DERA: variants seen among roughly 807,000 people sequenced by gnomAD.
The protein encoded by DERA is 2-deoxy-D-ribose 5-phosphate aldolase.
Under a neutral mutation model 41.1 loss-of-function variants are expected in DERA, and 15 were observed. That is an observed-to-expected ratio of 0.37 (90% CI 0.24 to 0.56). The LOEUF is 0.56. DERA is among the 20% of genes least tolerant of loss of function. The pLI is 0.81. For synonymous variants in DERA, 139 were observed against 137.4 expected (o/e 1.01, Z -0.08); for missense variants, 396 against 403.4 (o/e 0.98, Z 0.16).
Position 16,032,759 on chromosome 12 carries a change from T to A in DERA, c.750+105T>A, listed in dbSNP as rs546651466. ...TTTATATGGAGAAGTTGTGAATGAA[T>A]TACCTTTATTAAGATAAATGTTTAA... On this transcript the variant is annotated intron_variant, in intron 7 of 8. Coordinates refer to ENST00000428559, the MANE Select transcript of DERA (RefSeq NM_015954.4). 31 of 719,374 alleles carry A rather than the reference T, an allele frequency of 4.3e-5. No individual in the cohort carries two copies. The East Asian group carries it at 8.6e-4, about 20-fold the overall frequency. 44.6% of individuals were successfully genotyped at this position (719,374 alleles called of 1,614,324 possible).
chr12:15,916,856 C>A (rs974215689), intron 1 of DERA, among the ~76,000 whole-genome samples: 1 of 152,162 alleles, frequency 6.6e-6, no homozygotes, highest in African/African-American at 2.4e-5. Flanking sequence ...AAGCAGTTCT[C>A]CCTCTGTGGC....
Position 15,970,948 on chromosome 12 carries a change from T to C in DERA, c.508+8001T>C, listed in dbSNP as rs1391252502. On this transcript the variant is annotated intron_variant, in intron 5 of 8. Transcript: ENST00000428559. The surrounding 1 kb of genome is among the most constrained non-coding windows in gnomAD (Gnocchi z 4.3). ...GTTACCATCTTTATTCAGAAAGTCA[T>C]TATTTTTAGCAAAATGGGGCCAAGG... Among the ~76,000 whole-genome samples the C allele has an allele frequency of 1.3e-5, 2 of 152,234 alleles. No homozygotes were observed. The highest frequency in any genetic ancestry group is 1.5e-5 in the Non-Finnish European group (1 of 68,044).
chr12:15,926,758 AAAAG>A (rs1472382971), intron 1 of DERA, among the ~76,000 whole-genome samples: 2 of 151,418 alleles, frequency 1.3e-5, no homozygotes, highest in African/African-American at 2.4e-5. Flanking sequence ...AAAAAAAAAA[AAAAG>A]AAACAAGAGA....
rs1948893068 is a variant in DERA, at chr12:16,003,987, T to TG, written c.637+21553dup. Among the ~76,000 whole-genome samples, 3 of 152,154 alleles carry TG rather than the reference T, an allele frequency of 2.0e-5. No individual in the cohort carries two copies. The highest frequency in any genetic ancestry group is 7.2e-5 in the African/African-American group (3 of 41,422). The stretch of plus-strand genomic sequence containing the variant: ...ATTGTGCAGAATGCTTAGAAGGGGT[T>TG]GGTAGGGCTATTCATTAAGTGCAGT... On this transcript the variant is annotated intron_variant, in intron 6 of 8. Transcript: ENST00000428559. This position sits in a 1 kb window ranked among gnomAD's most constrained non-coding sequence, Gnocchi z 4.8.
At chr12:15,933,482 G>T in intron 1 of DERA, among the ~76,000 whole-genome samples, 1 of 151,902 alleles carries the variant, frequency 6.6e-6, no homozygotes, top group Admixed American at 6.6e-5. Context: ...ATACCAAATT[G>T]GCAGAAACTT....
Position 15,911,422 on chromosome 12 carries a change from G to T in DERA, c.31+8G>T. 7.1e-7 allele frequency: 1 copy of T among 1,410,530 alleles called. No homozygotes were observed. The highest frequency in any genetic ancestry group is 1.5e-5 in the South Asian group (1 of 64,574). 87.4% of individuals were successfully genotyped at this position (1,410,530 alleles called of 1,614,324 possible). ...ATCGGGGCACCGAGCTCGGTAAGGGGCCCGCGGGGCTCCCCATCCCCTCTC... is the reference window on the plus strand; with the variant it reads ...ATCGGGGCACCGAGCTCGGTAAGGGTCCCGCGGGGCTCCCCATCCCCTCTC... On this transcript the variant is annotated splice_region_variant and intron_variant, in intron 1 of 8. Transcript: ENST00000428559. The surrounding 1 kb of genome is among the most constrained non-coding windows in gnomAD (Gnocchi z 4.5).
intron 5 of DERA, among the ~76,000 whole-genome samples, chr12:15,979,208 T>C (rs1948717423): frequency 6.6e-6 from 1 of 152,146 alleles, no homozygotes; most frequent in South Asian, 2.1e-4. Context: ...GAAGCCTTGC[T>C]TGGAAAAAAA....
chr12:15,960,984 C>A (rs1948583660), intron 4 of DERA, among the ~76,000 whole-genome samples: 1 of 152,120 alleles, frequency 6.6e-6, no homozygotes, highest in African/African-American at 2.4e-5. Context: ...GGCAGAATTG[C>A]AGAGGGGATC....
intron 1 of DERA, among the ~76,000 whole-genome samples, chr12:15,955,253 C>T (rs962882789): frequency 4.0e-5 from 6 of 150,818 alleles, no homozygotes; most frequent in African/African-American, 9.8e-5. Context: ...GAGCCAAGAT[C>T]GTACCACTGC....
chr12:15,980,706 A>G (rs7970801), intron 5 of DERA, among the ~76,000 whole-genome samples: 2,751 of 152,224 alleles, frequency 0.018, 90 homozygotes, highest in African/African-American at 0.063. Context: ...CACGTTATTA[A>G]GGATCTGTGA....
intron 6 of DERA, among the ~76,000 whole-genome samples, chr12:16,007,190 T>G (rs1206754135): frequency 0.018 from 2,129 of 119,474 alleles, 4 homozygotes; most frequent in African/African-American, 0.093. Flanking sequence ...TTTTTTTTTG[T>G]TTTTTTTTTT....
At position 16,013,336 on chromosome 12, in the gene DERA, G is replaced by A. The variant is rs1302632212; in HGVS notation, c.638-19206G>A. Among the ~76,000 whole-genome samples, 1 of 152,130 alleles carries A rather than the reference G, an allele frequency of 6.6e-6. No individual in the cohort carries two copies. Among genetic ancestry groups the A allele is most frequent in the Middle Eastern group, 3.2e-3 (1 of 316 alleles). ...TCCCCATAATCCCCACATGTTAAAG[G>A]TGAGACCAGGTGGAGGTAATTGAAT... On this transcript the variant is annotated intron_variant, in intron 6 of 8. Transcript: ENST00000428559. The surrounding 1 kb of genome is among the most constrained non-coding windows in gnomAD (Gnocchi z 5.8).
intron 7 of DERA, among the ~76,000 whole-genome samples, chr12:16,034,359 T>G (rs1949112988): frequency 6.6e-6 from 1 of 152,212 alleles, no homozygotes; most frequent in African/African-American, 2.4e-5. Flanking sequence ...TTTTAAGTGC[T>G]CAGTGTTCCA....
chr12:15,965,168 T>G lies in DERA; in HGVS notation c.508+2221T>G, dbSNP rs991104762. 6.6e-6 allele frequency among the ~76,000 whole-genome samples: 1 copy of G among 152,230 alleles called. No individual in the cohort carries two copies. ...TTAGCTGTTTATTAAAATATGAGCA[T>G]AAAATAATTTCTTGGAATTTGTGGA... On this transcript the variant is annotated intron_variant, in intron 5 of 8. Transcript: ENST00000428559. This position sits in a 1 kb window ranked among gnomAD's most constrained non-coding sequence, Gnocchi z 4.1.
At chr12:15,950,629 G>T (rs564024777) in intron 1 of DERA, among the ~76,000 whole-genome samples, 1 of 152,226 alleles carries the variant, frequency 6.6e-6, no homozygotes, top group East Asian at 1.9e-4. Flanking sequence ...TGACATTTCT[G>T]CCTAGAACAC....
rs375799180 is a variant in DERA at position 15,942,812 on chromosome 12, G to A, written c.32-14124G>A. On this transcript the variant is annotated intron_variant, in intron 1 of 8. Transcript: ENST00000428559. ...TGCGACATTGCTGGAGACCGTGAGA[G>A]AAGAGAAGCTGGAGTCTCCCAAATG... Among the ~76,000 whole-genome samples the A allele has an allele frequency of 4.6e-5, 7 of 152,228 alleles. No individual in the cohort carries two copies. In the East Asian group the frequency reaches 5.8e-4, roughly 13 times the overall value.
Position 15,918,506 on chromosome 12 carries a change from C to T in DERA, c.31+7092C>T, listed in dbSNP as rs568016463. Among the ~76,000 whole-genome samples the T allele has an allele frequency of 2.0e-5, 3 of 152,242 alleles. No homozygotes were observed. Among genetic ancestry groups the T allele is most frequent in the South Asian group, 2.1e-4 (1 of 4,826 alleles). The stretch of plus-strand genomic sequence containing the variant: ...CCTCCTCTTCAGTGCCCCACCCCAA[C>T]GGTTTAGGACAATCGTTTGGGAAGG... On this transcript the variant is annotated intron_variant, in intron 1 of 8. Transcript: ENST00000428559. The surrounding 1 kb of genome is among the most constrained non-coding windows in gnomAD (Gnocchi z 4.3).
At position 15,931,358 on chromosome 12, in the gene DERA, C is replaced by T. The variant is rs1294492994; in HGVS notation, c.31+19944C>T. The stretch of plus-strand genomic sequence containing the variant: ...AGAGTTAAGTGGATTTTCTCTGAAG[C>T]GCTTGGTTCCTAGAATAATTGATTA... On this transcript the variant is annotated intron_variant, in intron 1 of 8. Coordinates refer to ENST00000428559, the MANE Select transcript of DERA (RefSeq NM_015954.4). The surrounding 1 kb of genome is among the most constrained non-coding windows in gnomAD (Gnocchi z 4.6). Among the ~76,000 whole-genome samples the T allele has an allele frequency of 2.0e-5, 3 of 152,128 alleles. No individual in the cohort carries two copies. Among genetic ancestry groups the T allele is most frequent in the South Asian group, 4.1e-4 (2 of 4,830 alleles).
Position 15,936,553 on chromosome 12 carries a change from A to G in DERA, c.32-20383A>G, listed in dbSNP as rs1416866959. Among the ~76,000 whole-genome samples the G allele has an allele frequency of 6.6e-6, 1 of 152,214 alleles. No individual in the cohort carries two copies. Among genetic ancestry groups the G allele is most frequent in the East Asian group, 1.9e-4 (1 of 5,190 alleles). On this transcript the variant is annotated intron_variant, in intron 1 of 8. Coordinates refer to ENST00000428559, the MANE Select transcript of DERA (RefSeq NM_015954.4). The surrounding 1 kb of genome is among the most constrained non-coding windows in gnomAD (Gnocchi z 4.6). ...TATTTTCTTACAGTACCATAACATC[A>G]TTGTCACAGTATCCAAATTTGAAAT...
Sources: allele counts gnomAD v4.1 joint callset (sites outside exome capture counted in the v4.1 genomes callset), GRCh38; gene constraint gnomAD v4.1.1; non-coding constraint Gnocchi (gnomAD v3.1); transcripts MANE v1.5; gene names NCBI Gene and HGNC (gene_info 2026-07-23, HGNC 2026-07-21).